The following PAPOLG variants were observed in gnomAD, a reference collection of about 807,000 sequenced individuals.
The protein encoded by PAPOLG is PAP-gamma.
Under a neutral mutation model 99.0 loss-of-function variants are expected in PAPOLG, and 40 were observed. The observed-to-expected ratio is 0.40, with a 90% CI of 0.31 to 0.53. The LOEUF (loss-of-function observed/expected upper bound fraction) is 0.53. Ranked by LOEUF, PAPOLG falls within the 20% of genes least tolerant of loss-of-function variation. The pLI, the probability that PAPOLG is intolerant of heterozygous loss-of-function variation, is 0.41. For missense variants in PAPOLG, 675 were observed against 884.1 expected, an observed-to-expected ratio of 0.76 and a Z score of 3.00; for synonymous variants, 310 against 299.3, an observed-to-expected ratio of 1.04 and a Z score of -0.37.
intron 14 of PAPOLG, 53 bp downstream of exon 14, chr2:60,787,119 A>G: frequency 2.1e-6 from 3 of 1,405,276 alleles, no homozygotes; most frequent in Non-Finnish European, 2.9e-6. Flanking sequence ...TATTTGGTAT[A>G]TGCATCATTT....
intron 15 of PAPOLG, among the ~76,000 whole-genome samples, chr2:60,788,525 C>T (rs1249114869): frequency 2.0e-5 from 3 of 152,018 alleles, no homozygotes; most frequent in Admixed American, 6.6e-5. Flanking sequence ...TTTCACCATG[C>T]TGGCCAGGCT....
chr2:60,779,152 T>C (rs1048730144), intron 8 of PAPOLG, among the ~76,000 whole-genome samples: 4 of 152,020 alleles, frequency 2.6e-5, no homozygotes, highest in African/African-American at 9.7e-5. Context: ...TATGGAGAGG[T>C]ATCCAAATTC....
intron 1 of PAPOLG, among the ~76,000 whole-genome samples, chr2:60,758,610 G>C (rs1437366167): frequency 6.6e-6 from 1 of 151,878 alleles, no homozygotes; most frequent in African/African-American, 2.4e-5. Context: ...TGTATTTTCA[G>C]TAGAGACGGG....
In PAPOLG at chr2:60,794,026, C is replaced by T. The variant is rs756123219; in HGVS notation, c.1824C>T (p.Thr608=). 2.5e-5 allele frequency: 41 copies of T among 1,611,268 alleles called. No individual in the cohort carries two copies. The highest frequency in any genetic ancestry group is 3.2e-5 in the Non-Finnish European group (38 of 1,177,420). ...VSPPTVCTIP[T]VVGRNVIPRI... is the part of the protein sequence containing the mutation. ...CCCCCACTGTGTGTACCATTCCTAC[C>T]GTAGTAGGACGAAATGTCATTCCTA... The change falls in exon 19 of 22, where the codon ACC becomes ACT. Residue 608 remains threonine, a synonymous_variant. Coordinates refer to ENST00000238714, the MANE Select transcript of PAPOLG (RefSeq NM_022894.4).
chr2:60,793,806 G>GAGGA, intron 18 of PAPOLG, 91 bp downstream of exon 18: 2 of 1,498,676 alleles, frequency 1.3e-6, no homozygotes, highest in Non-Finnish European at 1.8e-6. Flanking sequence ...AGCTACTGGG[G>GAGGA]AGGCTAAGGT....
At chr2:60,793,774 G>A (rs1334625462) in intron 18 of PAPOLG, 59 bp downstream of exon 18, 2 of 1,542,226 alleles carry the variant, frequency 1.3e-6, no homozygotes, top group Non-Finnish European at 1.8e-6. Context: ...AGCTAGGCAT[G>A]GTGGCACACG....
intron 1 of PAPOLG, among the ~76,000 whole-genome samples, chr2:60,758,858 TA>T (rs1304659651): frequency 6.6e-6 from 1 of 152,248 alleles, no homozygotes; most frequent in Non-Finnish European, 1.5e-5. Flanking sequence ...TTTACAGGGC[TA>T]ATTTATTCAA....
At chr2:60,767,325 G>C (rs1483835234) in intron 3 of PAPOLG, among the ~76,000 whole-genome samples, 2 of 151,428 alleles carry the variant, frequency 1.3e-5, no homozygotes, top group Admixed American at 6.6e-5. Flanking sequence ...GTGAAAATTA[G>C]CTTTTTTTTC....
intron 15 of PAPOLG, among the ~76,000 whole-genome samples, chr2:60,789,968 C>T (rs1281498151): frequency 6.6e-6 from 1 of 152,162 alleles, no homozygotes; most frequent in Admixed American, 6.6e-5. Context: ...GTGGCGGGTG[C>T]CTGTAATCCC....
At chr2:60,796,487 C>T (rs1671704452) in intron 21 of PAPOLG, among the ~76,000 whole-genome samples, 2 of 151,962 alleles carry the variant, frequency 1.3e-5, no homozygotes, top group South Asian at 4.2e-4. Flanking sequence ...CTCAGAATCC[C>T]TCAAACCGAT....
At chr2:60,768,420 A>T in intron 3 of PAPOLG, 50 bp from the exon 4 acceptor site, 1 of 1,591,882 alleles carries the variant, frequency 6.3e-7, no homozygotes, top group Non-Finnish European at 8.6e-7. Context: ...GGTGACTTTT[A>T]TGCTAAATAA....
intron 13 of PAPOLG, among the ~76,000 whole-genome samples, chr2:60,783,500 CTTTTT>C (rs761205449): frequency 5.3e-4 from 24 of 45,358 alleles, no homozygotes; most frequent in Admixed American, 1.8e-3. Flanking sequence ...TTTACCCGGC[CTTTTT>C]TTTTTTTTTT....
rs1330992148 is a variant in PAPOLG, at chr2:60,791,833, A to G, written c.1469A>G (p.Lys490Arg). 2.5e-6 allele frequency: 4 copies of G among 1,613,700 alleles called. No individual in the cohort carries two copies. In the East Asian group the frequency reaches 8.9e-5, roughly 36 times the overall value. Residue 490 changes from lysine (K) to arginine (R), a missense_variant, in exon 16 of 22, where the codon AAA becomes AGA. Lys to Arg is a conservative substitution (Grantham distance 26). Transcript: ENST00000238714. Reference sequence around the variant, plus strand: ...ATTGAAGCAACTCATGTAAAGAAAAAACAACTTCACCACTACCTTCCTGCA... The same window carrying G: ...ATTGAAGCAACTCATGTAAAGAAAAGACAACTTCACCACTACCTTCCTGCA... The part of the protein sequence containing the change: ...MKIEATHVKK[K>R]QLHHYLPAEI...
chr2:60,795,121 G>T, intron 21 of PAPOLG, 101 bp downstream of exon 21: 1 of 1,018,318 alleles, frequency 9.8e-7, no homozygotes, highest in Non-Finnish European at 1.5e-6. Flanking sequence ...CTGGGAAAAA[G>T]TAAGATTTTG....
In PAPOLG at chr2:60,801,877, A is replaced by G. The variant is rs957112872; in HGVS notation, c.*4717A>G. 1 of 152,380 alleles carries G rather than the reference A, an allele frequency of 6.6e-6. No homozygotes were observed. Among genetic ancestry groups the G allele is most frequent in the East Asian group, 1.9e-4 (1 of 5,344 alleles). The allele number at this position is 152,380 out of a possible 1,614,324, so 9.4% of individuals were successfully genotyped here. ...GACCCACGTACTTATCTTAGAAAGT[A>G]CTTAGGATATCTTTGAGATTAATGG... On this transcript the variant is annotated 3_prime_UTR_variant, in exon 22 of 22. Transcript: ENST00000238714.
chr2:60,784,851 G>C (rs991938742), intron 13 of PAPOLG, among the ~76,000 whole-genome samples: 11 of 152,120 alleles, frequency 7.2e-5, no homozygotes, highest in Admixed American at 6.5e-5. Context: ...TTACTATTTA[G>C]CCCTTTACAG....
chr2:60,780,015 A>T (rs1671140400), intron 9 of PAPOLG, among the ~76,000 whole-genome samples: 2 of 152,220 alleles, frequency 1.3e-5, no homozygotes, highest in South Asian at 2.1e-4. Flanking sequence ...TGGCTTTGCA[A>T]ATTACTAGTT....
intron 3 of PAPOLG, among the ~76,000 whole-genome samples, chr2:60,763,222 A>G (rs1670575029): frequency 6.6e-6 from 1 of 152,024 alleles, no homozygotes; most frequent in Non-Finnish European, 1.5e-5. Flanking sequence ...AACTGTAGGA[A>G]TGCACAATTG....
intron 1 of PAPOLG, among the ~76,000 whole-genome samples, chr2:60,758,488 C>G (rs1177169): frequency 7.2e-6 from 1 of 138,664 alleles, no homozygotes; most frequent in African/African-American, 2.8e-5. Flanking sequence ...AGTGTGGTGG[C>G]GCGATCTTGG....
Sources: gnomAD v4.1 joint callset for allele counts (sites outside exome capture counted in the v4.1 genomes callset) on GRCh38, gnomAD v4.1.1 for gene constraint, MANE v1.5 for transcripts, NCBI Gene and HGNC (gene_info 2026-07-23, HGNC 2026-07-21) for gene names.